Variants in RIMS2 observed in about 807,000 individuals in gnomAD.
RIMS2 encodes the protein regulating synaptic membrane exocytosis protein 2.
Under a neutral mutation model 174.4 loss-of-function variants are expected in RIMS2, and 59 were observed. The ratio of observed to expected loss-of-function variants is 0.34; its 90% CI spans 0.27 to 0.42. The LOEUF (loss-of-function observed/expected upper bound fraction) is 0.42. Among genes scored for constraint, RIMS2 ranks in the 10% least tolerant of loss-of-function variants. RIMS2 has a pLI of 1.00. For missense variants in RIMS2, 1,620 were observed against 1,666.3 expected (o/e 0.97, Z 0.48); for synonymous variants, 606 against 572.5 (o/e 1.06, Z -0.84).
intron 10 of RIMS2, among the ~76,000 whole-genome samples, chr8:103,925,900 GT>G (rs1199659440): frequency 6.6e-6 from 1 of 151,516 alleles, no homozygotes; most frequent in Admixed American, 6.6e-5. Flanking sequence ...TCAGTTGTAT[GT>G]TTTGTGAATT....
chr8:103,517,340 T>C (rs1224308728), intron 1 of RIMS2, among the ~76,000 whole-genome samples: 1 of 152,112 alleles, frequency 6.6e-6, no homozygotes, highest in Non-Finnish European at 1.5e-5. Context: ...GTGAAAAGCA[T>C]AGTGCATGGT....
chr8:103,876,909 T>TATATATATATAC (rs71297243), intron 3 of RIMS2, among the ~76,000 whole-genome samples: 34 of 66,046 alleles, frequency 5.1e-4, no homozygotes, highest in Admixed American at 7.8e-4. Context: ...TATATATATA[T>TATATATATATAC]ACACACACAC....
intron 1 of RIMS2, among the ~76,000 whole-genome samples, chr8:103,542,623 A>G (rs988677968): frequency 1.3e-5 from 2 of 152,344 alleles, no homozygotes; most frequent in East Asian, 1.9e-4. Flanking sequence ...GAAATCCTCA[A>G]TGAAATACTA....
intron 19 of RIMS2, among the ~76,000 whole-genome samples, chr8:104,206,431 A>T (rs1277545416): frequency 6.6e-6 from 1 of 152,234 alleles, no homozygotes; most frequent in Non-Finnish European, 1.5e-5. Flanking sequence ...TTGTAGATGT[A>T]TATCATGGGA....
chr8:103,643,813 T>G (rs2096275080), intron 1 of RIMS2, among the ~76,000 whole-genome samples: 1 of 151,542 alleles, frequency 6.6e-6, no homozygotes, highest in Non-Finnish European at 1.5e-5. Flanking sequence ...TGAGCTTGAG[T>G]TGAGTTTCCT....
chr8:103,613,036 G>C lies in RIMS2; in HGVS notation c.177-84050G>C, dbSNP rs1193712703. 1.2e-4 allele frequency among the ~76,000 whole-genome samples: 18 copies of C among 152,120 alleles called. No individual in the cohort carries two copies. The South Asian group carries it at 1.7e-3, about 14-fold the overall frequency. ...CAACAGAGCATTGGGTCTTACTTAA[G>C]TCCCTGGTTACCACCTATGTGTACT... On this transcript the variant is annotated intron_variant, in intron 1 of 23. Coordinates refer to ENST00000504942, the Ensembl canonical transcript of RIMS2.
At chr8:103,929,003 A>G (rs2079345682) in intron 11 of RIMS2, among the ~76,000 whole-genome samples, 1 of 151,790 alleles carries the variant, frequency 6.6e-6, no homozygotes, top group South Asian at 2.1e-4. Context: ...AAAAAACTTC[A>G]ATGCAAGTCC....
intron 1 of RIMS2, among the ~76,000 whole-genome samples, chr8:103,636,947 C>T (rs1052331689): frequency 8.5e-5 from 13 of 152,072 alleles, no homozygotes; most frequent in Non-Finnish European, 1.3e-4. Context: ...TTTATGCAAA[C>T]GAAGGATTCA....
At chr8:103,820,670 A>C (rs1159239816) in intron 3 of RIMS2, among the ~76,000 whole-genome samples, 1 of 151,884 alleles carries the variant, frequency 6.6e-6, no homozygotes, top group Non-Finnish European at 1.5e-5. Flanking sequence ...TATAACCTTT[A>C]CTTTGAAAAT....
At chr8:104,129,876 A>C (rs1373325030) in intron 19 of RIMS2, among the ~76,000 whole-genome samples, 1 of 152,238 alleles carries the variant, frequency 6.6e-6, no homozygotes, top group African/African-American at 2.4e-5. Context: ...GTAGATGTAC[A>C]GATAATATGT....
At chr8:103,712,847 A>T (rs1043885961) in intron 2 of RIMS2, among the ~76,000 whole-genome samples, 7 of 152,232 alleles carry the variant, frequency 4.6e-5, no homozygotes, top group African/African-American at 1.7e-4. Context: ...AGGATTCCTA[A>T]CAGAAACCTT....
chr8:104,050,232 G>A (rs1805163890), intron 19 of RIMS2, among the ~76,000 whole-genome samples: 1 of 151,994 alleles, frequency 6.6e-6, no homozygotes, highest in African/African-American at 2.4e-5. Context: ...TGTTCAACAA[G>A]CAGCTACTAA....
chr8:103,950,480 A>G (rs933001288), intron 14 of RIMS2, among the ~76,000 whole-genome samples: 1 of 152,186 alleles, frequency 6.6e-6, no homozygotes, highest in Admixed American at 6.5e-5. Context: ...AATGTTTAAC[A>G]TTTGAAAAAC....
At chr8:103,582,273 C>G (rs1313601988) in intron 1 of RIMS2, among the ~76,000 whole-genome samples, 1 of 152,186 alleles carries the variant, frequency 6.6e-6, no homozygotes, top group East Asian at 1.9e-4. Flanking sequence ...CACTGAATAA[C>G]CAGCAGCAAT....
chr8:103,852,710 A>G (rs1181103321), intron 3 of RIMS2, among the ~76,000 whole-genome samples: 1 of 151,988 alleles, frequency 6.6e-6, no homozygotes, highest in Non-Finnish European at 1.5e-5. Context: ...CTCCAGCTTT[A>G]TTCATGTTGC....
At chr8:104,077,718 T>C (rs1466607492) in intron 19 of RIMS2, among the ~76,000 whole-genome samples, 1 of 144,466 alleles carries the variant, frequency 6.9e-6, no homozygotes, top group African/African-American at 2.5e-5. Flanking sequence ...AGTAAGTGTA[T>C]GTGTAAACAC....
At chr8:104,105,347 T>C (rs545170784) in intron 19 of RIMS2, among the ~76,000 whole-genome samples, 59 of 152,286 alleles carry the variant, frequency 3.9e-4, no homozygotes, top group African/African-American at 1.3e-3. Flanking sequence ...GGATAAGTAT[T>C]TGTTACTAGA....
At chr8:104,252,655 G>A (rs1367769753), downstream of RIMS2, 2 of 152,124 alleles carry the variant, frequency 1.3e-5, no homozygotes, top group East Asian at 3.8e-4. Context: ...GATACACCAT[G>A]TTTATTCTTT....
chr8:104,229,838 C>T (rs1178283206), intron 19 of RIMS2, among the ~76,000 whole-genome samples: 3 of 152,138 alleles, frequency 2.0e-5, no homozygotes, highest in Non-Finnish European at 4.4e-5. Flanking sequence ...AAGGCAAGGC[C>T]ATGTATGTAT....
Sources: gnomAD v4.1 joint callset for allele counts (sites outside exome capture counted in the v4.1 genomes callset) on GRCh38, gnomAD v4.1.1 for gene constraint, MANE v1.5 for transcripts, NCBI Gene and HGNC (gene_info 2026-07-23, HGNC 2026-07-21) for gene names.